Variants in SOX8 observed in about 807,000 individuals in gnomAD.
SOX8 encodes the protein SRY-box transcription factor 8.
Under a neutral mutation model 22.9 loss-of-function variants are expected in SOX8, and 9 were observed. The ratio of observed to expected loss-of-function variants is 0.39; its 90% CI spans 0.24 to 0.69. The LOEUF (loss-of-function observed/expected upper bound fraction) is 0.69. SOX8 is among the 30% of genes least tolerant of loss of function. The pLI is 0.43. For missense variants in SOX8, 734 were observed against 699.4 expected, an observed-to-expected ratio of 1.05 and a Z score of -0.56; for synonymous variants, 416 against 330.6, an observed-to-expected ratio of 1.26 and a Z score of -2.80.
Position 983,784 on chromosome 16 carries a change from T to A in SOX8, c.479T>A (p.Val160Glu). 2 of 1,612,732 alleles carry A rather than the reference T, an allele frequency of 1.2e-6. No homozygotes were observed. The highest frequency in any genetic ancestry group is 1.7e-6 in the Non-Finnish European group (2 of 1,179,802). Residue 160 changes from valine (V) to glutamate (E), a missense_variant, in exon 2 of 3, where the codon GTG becomes GAG. Val to Glu is a moderately radical substitution (Grantham distance 121, BLOSUM62 -2). Around this residue, in one of 3 missense-constraint regions of SOX8, gnomAD observed 588 missense variants for 568.2 expected, o/e 1.03. Coordinates refer to ENST00000293894, the MANE Select transcript of SOX8 (RefSeq NM_014587.5). ...PFVEEAERLR[V>E]QHKKDHPDYK... is the part of the protein sequence containing the mutation. The stretch of plus-strand genomic sequence containing the variant: ...GTGGAGGAGGCAGAGCGCCTTCGCG[T>A]GCAGCACAAGAAGGACCACCCCGAC...
intron 2 of SOX8, 29 bp from the exon 3 acceptor site, chr16:984,672 A>G (rs774593100): frequency 2.3e-5 from 32 of 1,403,272 alleles, no homozygotes; most frequent in Non-Finnish European, 9.3e-7. Flanking sequence ...AGGGGCATTC[A>G]TCCCTGAAGC....
Position 985,551 on chromosome 16 carries a change from C to G in SOX8, c.*165C>G. 1.7e-6 allele frequency: 1 copy of G among 578,066 alleles called. No homozygotes were observed. Among genetic ancestry groups the G allele is most frequent in the East Asian group, 3.0e-5 (1 of 33,062 alleles). 35.8% of individuals were successfully genotyped at this position (578,066 alleles called of 1,614,324 possible). A position where few individuals can be genotyped will look rare whatever the true frequency, so the allele number is the denominator to read the frequency against. ...CCGTGGCCCTCGGCCTCCAGATGGC[C>G]ACACCTCTGCCGACGACGGACCAGC... On this transcript the variant is annotated 3_prime_UTR_variant, in exon 3 of 3. Transcript: ENST00000293894.
Position 982,321 on chromosome 16 carries a change from C to G in SOX8, c.399C>G (p.Ser133Arg). ...QYPHLHNAEL[S>R]KTLGKLWRLL... ...CGCACCTGCACAACGCCGAGCTCAG[C>G]AAGACGCTGGGCAAGCTGTGGCGGT... The change falls in exon 1 of 3, where the codon AGC becomes AGG. Residue 133 changes from serine (S) to arginine (R), a missense_variant. Transcript: ENST00000293894. The G allele has an allele frequency of 2.1e-6, 3 of 1,411,796 alleles. No homozygotes were observed. The highest frequency in any genetic ancestry group is 2.8e-6 in the Non-Finnish European group (3 of 1,076,656). 87.5% of individuals were successfully genotyped at this position (1,411,796 alleles called of 1,614,324 possible).
In SOX8 at chr16:984,735, C is replaced by A. The variant is rs1169371619; in HGVS notation, c.690C>A (p.Thr230=). Residue 230 remains threonine (T), a synonymous_variant, in exon 3 of 3, where the codon ACC becomes ACA. Transcript: ENST00000293894. ...QTHGPPTPPT[T]PKTELQQAGA... ...ACGGGCCGCCCACCCCGCCCACCAC[C>A]CCCAAGACGGAGCTGCAGCAGGCGG... The A allele has an allele frequency of 1.9e-6, 3 of 1,580,128 alleles. No individual in the cohort carries two copies. The highest frequency in any genetic ancestry group is 2.7e-5 in the African/African-American group (2 of 74,242).
rs781282652 is a variant in SOX8, at chr16:983,868, C to T, written c.563C>T (p.Ser188Leu). ...AAAGCCGGCCACAGCGACTCCGACT[C>T]GGGCGCGGAGCTGGGACCCCACCCT... ...SAKAGHSDSDSGAELGPHPGG... is the reference protein window; with the variant it reads ...SAKAGHSDSDLGAELGPHPGG... Residue 188 changes from serine (S) to leucine (L), a missense_variant, in exon 2 of 3, where the codon TCG (serine) becomes TTG (leucine). Physicochemically the swap from Ser to Leu is moderately radical, Grantham distance 145. Coordinates refer to ENST00000293894, the MANE Select transcript of SOX8 (RefSeq NM_014587.5). 1.3e-5 allele frequency: 21 copies of T among 1,611,766 alleles called. No individual in the cohort carries two copies. The highest frequency in any genetic ancestry group is 1.6e-4 in the Middle Eastern group (1 of 6,080).
rs569694460 is a variant in SOX8 at position 985,784 on chromosome 16, G to C, written c.*398G>C. ...CTGTGAGGTCCAGGCCGGTCTTGGC[G>C]CCGAGAGCCCCTGCACTCAAGGCCA... On this transcript the variant is annotated 3_prime_UTR_variant, in exon 3 of 3. Coordinates refer to ENST00000293894, the MANE Select transcript of SOX8 (RefSeq NM_014587.5). 2 of 183,344 alleles carry C rather than the reference G, an allele frequency of 1.1e-5. No homozygotes were observed. The highest frequency in any genetic ancestry group is 2.2e-5 in the Non-Finnish European group (2 of 89,486). The allele number at this position is 183,344 out of a possible 1,614,324, so 11.4% of individuals were successfully genotyped here.
chr16:985,054 C>T lies in SOX8; in HGVS notation c.1009C>T (p.His337Tyr). ...CACCGAGACGGGTCCCCCACGGCCG[C>T]ACATCAAGACGGAGCAGCCGAGCCC... ...SPTETGPPRP[H>Y]IKTEQPSPGH... Residue 337 changes from histidine to tyrosine, a missense_variant, in exon 3 of 3, where the codon CAC (histidine) becomes TAC (tyrosine). Physicochemically the swap from His to Tyr is moderately conservative, Grantham distance 83. Transcript: ENST00000293894. 6.3e-7 allele frequency: 1 copy of T among 1,580,932 alleles called. No individual in the cohort carries two copies. The highest frequency in any genetic ancestry group is 8.5e-7 in the Non-Finnish European group (1 of 1,171,192).
In SOX8 at chr16:985,225, G is replaced by A. The variant is rs779837877; in HGVS notation, c.1180G>A (p.Ala394Thr). The stretch of plus-strand genomic sequence containing the variant: ...CCTGCAGGCCTCCAGCTACTATGGT[G>A]CCTACCCTGGCTACGCACCCGGCCT... Reference protein sequence around the residue: ...GDLQASSYYGAYPGYAPGLYQ... With the variant: ...GDLQASSYYGTYPGYAPGLYQ... Residue 394 changes from alanine to threonine, a missense_variant, in exon 3 of 3, where the codon GCC (alanine) becomes ACC (threonine). By Grantham distance (58) the Ala-to-Thr change is moderately conservative (BLOSUM62 0). This residue lies in a region of SOX8 where 588 missense variants were observed against 568.2 expected (regional missense o/e 1.03). Transcript: ENST00000293894. 12 of 1,611,958 alleles carry A rather than the reference G, an allele frequency of 7.4e-6. No individual in the cohort carries two copies. The Admixed American group carries it at 8.3e-5, about 11-fold the overall frequency.
rs775545905 is a variant in SOX8, at chr16:985,141, A to G, written c.1096A>G (p.Ser366Gly). 8.1e-6 allele frequency: 13 copies of G among 1,601,184 alleles called. No individual in the cohort carries two copies. Among genetic ancestry groups the G allele is most frequent in the South Asian group, 1.1e-5 (1 of 90,198 alleles). ...CTACGGTTCCTGCAGCGGCCAGTCC[A>G]GCGCCACCCCGGCCGCCCCCGCCGG... ...PDYGSCSGQS[S>G]ATPAAPAGPF... Residue 366 changes from serine to glycine, a missense_variant, in exon 3 of 3, where the codon AGC becomes GGC. Physicochemically the swap from Ser to Gly is moderately conservative, Grantham distance 56. Transcript: ENST00000293894.
At position 985,646 on chromosome 16, in the gene SOX8, C is replaced by T. The variant is rs2073454262; in HGVS notation, c.*260C>T. On this transcript the variant is annotated 3_prime_UTR_variant, in exon 3 of 3. Transcript: ENST00000293894. ...CACAAAGAAGGGCTGCCGTTTGGTC[C>T]CTCTTCCGTGAGGACTGGCGGCACC... 3 of 477,068 alleles carry T rather than the reference C, an allele frequency of 6.3e-6. No homozygotes were observed. The highest frequency in any genetic ancestry group is 4.0e-5 in the African/African-American group (2 of 49,490). The allele number at this position is 477,068 out of a possible 1,614,324, so 29.6% of individuals were successfully genotyped here.
Position 985,275 on chromosome 16 carries a change from G to T in SOX8, c.1230G>T (p.Ser410=). The T allele has an allele frequency of 4.3e-6, 7 of 1,611,466 alleles. No homozygotes were observed. The highest frequency in any genetic ancestry group is 5.9e-6 in the Non-Finnish European group (7 of 1,179,552). The part of the protein sequence containing the change: ...PGLYQYPCFH[S]PRRPYASPLL... The stretch of plus-strand genomic sequence containing the variant: ...TCTACCAGTACCCCTGCTTCCACTC[G>T]CCGCGCCGGCCCTACGCCTCACCCC... Residue 410 remains serine, a synonymous_variant, in exon 3 of 3, where the codon TCG becomes TCT. Transcript: ENST00000293894.
chr16:984,051 G>A, intron 2 of SOX8, 91 bp downstream of exon 2: 4 of 1,144,136 alleles, frequency 3.5e-6, no homozygotes, highest in East Asian at 2.9e-5. Flanking sequence ...ATGGTGGAGG[G>A]GGGCAGGCGC....
At position 984,874 on chromosome 16, in the gene SOX8, A is replaced by G. The variant is rs763923246; in HGVS notation, c.829A>G (p.Met277Val). 6.2e-7 allele frequency: 1 copy of G among 1,611,586 alleles called. No homozygotes were observed. The highest frequency in any genetic ancestry group is 1.7e-5 in the Admixed American group (1 of 59,946). ...SELSSEVMGTMDAFDVHEFDQ... is the reference protein window; with the variant it reads ...SELSSEVMGTVDAFDVHEFDQ... ...GCTCAGCAGCGAGGTCATGGGCACC[A>G]TGGACGCCTTCGACGTCCACGAGTT... Residue 277 changes from methionine (M) to valine (V), a missense_variant, in exon 3 of 3, where the codon ATG becomes GTG. By Grantham distance (21) the Met-to-Val change is conservative (BLOSUM62 1). Around this residue, in one of 3 missense-constraint regions of SOX8, gnomAD observed 588 missense variants for 568.2 expected, o/e 1.03. Coordinates refer to ENST00000293894, the MANE Select transcript of SOX8 (RefSeq NM_014587.5).
intron 2 of SOX8, 113 bp from the exon 3 acceptor site, chr16:984,588 G>A (rs2073437412): frequency 1.6e-6 from 1 of 613,086 alleles, no homozygotes; most frequent in Admixed American, 3.3e-5. Context: ...GAAACAAAAA[G>A]CCGTTGATCC....
In SOX8 at chr16:982,027, TC is replaced by T; in HGVS notation, c.108del (p.Ala37ProfsTer66). On this transcript the variant is annotated frameshift_variant, in exon 1 of 3. Coordinates refer to ENST00000293894, the MANE Select transcript of SOX8 (RefSeq NM_014587.5). LOFTEE classifies it high-confidence loss of function. ...ACTCGGACTCGGACGCGCCGCCGTCTCCCGCCGGCTCCGAGGGCCTGGGCCG... is the reference window on the plus strand; with the variant it reads ...ACTCGGACTCGGACGCGCCGCCGTCTCCGCCGGCTCCGAGGGCCTGGGCCG... ...EDSDSDAPPS[P>X]AGSEGLGRAG... 1 of 1,377,004 alleles carries T rather than the reference TC, an allele frequency of 7.3e-7. No homozygotes were observed. The highest frequency in any genetic ancestry group is 9.4e-7 in the Non-Finnish European group (1 of 1,065,724). The allele number at this position is 1,377,004 out of a possible 1,614,324, so 85.3% of individuals were successfully genotyped here.
chr16:983,667 G>T lies in SOX8; in HGVS notation c.423-61G>T. On this transcript the variant is annotated intron_variant, in intron 1 of 2. Coordinates refer to ENST00000293894, the MANE Select transcript of SOX8 (RefSeq NM_014587.5). Reference sequence around the variant, plus strand: ...CTGCTGCCGGTTCCCCCTGTGGTGTGTGCCTGCGCCGAGGGCACAGTGGGC... The same window carrying T: ...CTGCTGCCGGTTCCCCCTGTGGTGTTTGCCTGCGCCGAGGGCACAGTGGGC... The T allele has an allele frequency of 4.7e-6, 7 of 1,497,200 alleles. No individual in the cohort carries two copies. The South Asian group carries it at 8.6e-5, about 18-fold the overall frequency. The allele number at this position is 1,497,200 out of a possible 1,614,324, so 92.7% of individuals were successfully genotyped here.
At position 982,070 on chromosome 16, in the gene SOX8, GGGGGCGCCC is replaced by G; in HGVS notation, c.155_163del (p.Ala52_Gly54del). ...CCTGGGCCGCGCGGGGGTCGCGGTG[GGGGGCGCCC>G]GGGGCGACCCGGCGGAGGCGGCGGA... On this transcript the variant is annotated inframe_deletion, in exon 1 of 3. Coordinates refer to ENST00000293894, the MANE Select transcript of SOX8 (RefSeq NM_014587.5). The G allele has an allele frequency of 1.5e-6, 2 of 1,294,720 alleles. No individual in the cohort carries two copies. The highest frequency in any genetic ancestry group is 6.3e-5 in the East Asian group (2 of 31,864). The allele number at this position is 1,294,720 out of a possible 1,614,324, so 80.2% of individuals were successfully genotyped here.
chr16:984,822 C>T lies in SOX8; in HGVS notation c.777C>T (p.Ile259=), dbSNP rs1305158946. ...RRPVDSGRQN[I]DFSNVDISEL... ...CGGTGGACAGCGGGCGCCAGAACAT[C>T]GACTTCAGCAACGTGGACATCTCGG... The change falls in exon 3 of 3, where the codon ATC becomes ATT. Residue 259 remains isoleucine, a synonymous_variant. Coordinates refer to ENST00000293894, the MANE Select transcript of SOX8 (RefSeq NM_014587.5). 1.2e-5 allele frequency: 19 copies of T among 1,611,890 alleles called. No homozygotes were observed. The highest frequency in any genetic ancestry group is 1.4e-5 in the Non-Finnish European group (16 of 1,179,458).
At position 985,283 on chromosome 16, in the gene SOX8, G is replaced by A. The variant is rs754775928; in HGVS notation, c.1238G>A (p.Arg413Gln). ...YQYPCFHSPRRPYASPLLNGL... is the reference protein window; with the variant it reads ...YQYPCFHSPRQPYASPLLNGL... ...TACCCCTGCTTCCACTCGCCGCGCC[G>A]GCCCTACGCCTCACCCCTGCTCAAC... The change falls in exon 3 of 3, where the codon CGG (arginine) becomes CAG (glutamine). Residue 413 changes from arginine to glutamine, a missense_variant. Transcript: ENST00000293894. 13 of 1,611,142 alleles carry A rather than the reference G, an allele frequency of 8.1e-6. No individual in the cohort carries two copies. Among genetic ancestry groups the A allele is most frequent in the South Asian group, 3.3e-5 (3 of 91,042 alleles).
Sources: allele counts gnomAD v4.1 joint callset, GRCh38; gene constraint gnomAD v4.1.1; regional missense constraint gnomAD v4.1.1; transcripts MANE v1.5; gene names NCBI Gene and HGNC (gene_info 2026-07-23, HGNC 2026-07-21).